Variants in GLIS3 observed in about 807,000 individuals in gnomAD.
GLIS3 encodes the protein GLIS family zinc finger 3.
Under a neutral mutation model 78.6 loss-of-function variants are expected in GLIS3, and 53 were observed. The ratio of observed to expected loss-of-function variants is 0.67; its 90% CI spans 0.54 to 0.85. GLIS3 has a LOEUF of 0.85. Ranked by LOEUF, GLIS3 falls within the 40% of genes least tolerant of loss-of-function variation. The pLI is 0.00. For missense variants in GLIS3, 1,703 were observed against 1,231.1 expected (o/e 1.38, Z -5.74); for synonymous variants, 684 against 509.9 (o/e 1.34, Z -4.60).
At chr9:4,358,138 ATG>A in the GLIS3 span, among the ~76,000 whole-genome samples, 2 of 152,208 alleles carry the variant, frequency 1.3e-5, no homozygotes, top group African/African-American at 4.8e-5. Flanking sequence ...ACATATCCAT[ATG>A]TATATATGTG....
the GLIS3 span, among the ~76,000 whole-genome samples, chr9:4,449,481 T>C: frequency 6.6e-6 from 1 of 152,156 alleles, no homozygotes; most frequent in Non-Finnish European, 1.5e-5. Flanking sequence ...TCTACCAGCA[T>C]GGTGTTCAAG....
At chr9:3,884,712 C>T (rs554376191) in intron 7 of GLIS3, among the ~76,000 whole-genome samples, 1 of 152,248 alleles carries the variant, frequency 6.6e-6, no homozygotes, top group South Asian at 2.1e-4. Context: ...TGATGAGGAA[C>T]TTGAGGCCTC....
At chr9:4,163,171 G>T (rs1359820474) in intron 2 of GLIS3, among the ~76,000 whole-genome samples, 5 of 152,244 alleles carry the variant, frequency 3.3e-5, no homozygotes, top group African/African-American at 1.2e-4. Context: ...GTTAGGGTTT[G>T]AACACAGATC....
intron 2 of GLIS3, among the ~76,000 whole-genome samples, chr9:4,173,913 A>AACACACAC (rs61020862): frequency 2.7e-5 from 4 of 146,926 alleles, no homozygotes; most frequent in African/African-American, 7.6e-5. Context: ...ACCCAGTTAA[A>AACACACAC]ACACACACAC....
chr9:4,163,187 G>A (rs1313222900), intron 2 of GLIS3, among the ~76,000 whole-genome samples: 1 of 152,242 alleles, frequency 6.6e-6, no homozygotes, highest in African/African-American at 2.4e-5. Flanking sequence ...AGATCTGCCT[G>A]GGTCCATAGC....
chr9:4,045,294 A>C (rs1029017295), intron 4 of GLIS3, among the ~76,000 whole-genome samples: 1 of 152,148 alleles, frequency 6.6e-6, no homozygotes, highest in African/African-American at 2.4e-5. Context: ...CGTAACTAAA[A>C]AGCTGCAGGA....
chr9:4,385,786 AAAGAAAGAAAGAAAGAAAGAAAGAAAAG>A, the GLIS3 span, among the ~76,000 whole-genome samples: 6 of 78,884 alleles, frequency 7.6e-5, no homozygotes, highest in African/African-American at 4.0e-4. Context: ...AGAAAGAAAG[AAAGAAAGAAAGAAAGAAAGAAAGAAAAG>A]AAAGAAAGAG....
At chr9:4,445,186 G>C in the GLIS3 span, among the ~76,000 whole-genome samples, 19 of 152,280 alleles carry the variant, frequency 1.2e-4, no homozygotes, top group African/African-American at 4.6e-4. Context: ...TATTCATGTG[G>C]TCAATCAGGA....
intron 4 of GLIS3, chr9:4,054,278 C>T (rs572053564): frequency 5.4e-6 from 5 of 919,934 alleles, no homozygotes; most frequent in East Asian, 1.2e-4. Flanking sequence ...ATTCTCAGCA[C>T]AGACCAGAGC....
At chr9:4,170,478 G>A (rs1586868665) in intron 2 of GLIS3, among the ~76,000 whole-genome samples, 1 of 152,158 alleles carries the variant, frequency 6.6e-6, no homozygotes, top group Non-Finnish European at 1.5e-5. Flanking sequence ...CCAGCTCTAT[G>A]GGAAATCTCT....
chr9:3,880,533 C>T (rs996954549), intron 7 of GLIS3, among the ~76,000 whole-genome samples: 2 of 152,122 alleles, frequency 1.3e-5, no homozygotes, highest in African/African-American at 4.8e-5. Flanking sequence ...ATGCTGAGCT[C>T]CATACCCATT....
At chr9:4,261,489 T>G (rs1358582730) in intron 2 of GLIS3, among the ~76,000 whole-genome samples, 1 of 152,162 alleles carries the variant, frequency 6.6e-6, no homozygotes, top group South Asian at 2.1e-4. Context: ...AATATCTCTA[T>G]GGTAGAATAA....
At chr9:4,177,104 A>G (rs1001319711) in intron 2 of GLIS3, among the ~76,000 whole-genome samples, 2 of 152,110 alleles carry the variant, frequency 1.3e-5, no homozygotes, top group Non-Finnish European at 2.9e-5. Flanking sequence ...TTACCCACTG[A>G]GTGTTATCTT....
At chr9:4,373,998 C>A in the GLIS3 span, among the ~76,000 whole-genome samples, 13 of 152,256 alleles carry the variant, frequency 8.5e-5, no homozygotes, top group Admixed American at 7.8e-4. Context: ...GACTATTGAA[C>A]AATTTACTTC....
At chr9:4,102,982 A>T (rs1162550596) in intron 4 of GLIS3, among the ~76,000 whole-genome samples, 3 of 152,184 alleles carry the variant, frequency 2.0e-5, no homozygotes, top group African/African-American at 7.2e-5. Flanking sequence ...AAATGAAAAA[A>T]AAATCCCTAT....
chr9:3,898,206 T>C (rs1476216344), intron 7 of GLIS3: 2 of 218,814 alleles, frequency 9.1e-6, no homozygotes, highest in African/African-American at 4.6e-5. Flanking sequence ...GGGAGTGTCA[T>C]CCCATCTCCT....
intron 2 of GLIS3, among the ~76,000 whole-genome samples, chr9:4,333,669 T>C (rs560366518): frequency 1.3e-5 from 2 of 152,140 alleles, no homozygotes; most frequent in Admixed American, 6.5e-5. Context: ...TGTCAAATAA[T>C]GCTATTAGCT....
chr9:4,042,982 G>C (rs184955995), intron 4 of GLIS3, among the ~76,000 whole-genome samples: 1 of 150,410 alleles, frequency 6.6e-6, no homozygotes, highest in Admixed American at 6.6e-5. Flanking sequence ...GTGAAAAAGA[G>C]CGCAAACCCC....
the GLIS3 span, chr9:4,386,386 TCTTTTTA>T: frequency 1.9e-5 from 1 of 51,508 alleles, no homozygotes; most frequent in Non-Finnish European, 4.7e-5. Context: ...CATTTTCTTT[TCTTTTTA>T]AAAAAAATTA....
Sources: gnomAD v4.1 joint callset for allele counts (sites outside exome capture counted in the v4.1 genomes callset) on GRCh38, gnomAD v4.1.1 for gene constraint, MANE v1.5 for transcripts, NCBI Gene and HGNC (gene_info 2026-07-23, HGNC 2026-07-21) for gene names.